NBAS: variants seen among roughly 807,000 people sequenced by gnomAD.
NBAS encodes the protein NAG/BC035112 fusion.
In NBAS, 219 loss-of-function variants were observed where a neutral mutation model predicts 302.5. That is an observed-to-expected ratio of 0.72 (90% CI 0.65 to 0.81). The LOEUF (loss-of-function observed/expected upper bound fraction) is 0.81, where lower values mean the gene tolerates loss of function less well. Ranked by LOEUF, NBAS falls within the 30% of genes least tolerant of loss-of-function variation. The pLI is 0.00. For missense variants in NBAS, 2,932 were observed against 2,841.6 expected (o/e 1.03, Z -0.72); for synonymous variants, 1,118 against 1,021.6 (o/e 1.09, Z -1.80).
At chr2:15,196,933 T>C (rs1393182933) in intron 48 of NBAS, among the ~76,000 whole-genome samples, 1 of 152,112 alleles carries the variant, frequency 6.6e-6, no homozygotes, top group Non-Finnish European at 1.5e-5. Context: ...TATTAAACCA[T>C]AAAATCACTT....
chr2:14,791,881 A>T, the NBAS span, among the ~76,000 whole-genome samples: 1 of 152,104 alleles, frequency 6.6e-6, no homozygotes, highest in Non-Finnish European at 1.5e-5. Flanking sequence ...GAAGTGAAAA[A>T]CAGGCCTAGT....
chr2:15,366,441 C>T (rs973705675), intron 32 of NBAS, 139 bp downstream of exon 32: 1 of 813,828 alleles, frequency 1.2e-6, no homozygotes, highest in African/African-American at 1.7e-5. Flanking sequence ...GCACTCCAGC[C>T]TGAGCAACAG....
intron 38 of NBAS, among the ~76,000 whole-genome samples, chr2:15,315,100 A>G (rs2148181261): frequency 6.6e-6 from 1 of 152,202 alleles, no homozygotes; most frequent in East Asian, 1.9e-4. Context: ...CAGGTGCTGC[A>G]CTTGTCACAA....
At chr2:15,090,414 G>C in the NBAS span, among the ~76,000 whole-genome samples, 92 of 152,314 alleles carry the variant, frequency 6.0e-4, no homozygotes, top group Middle Eastern at 3.4e-3. Flanking sequence ...TCATATTCTG[G>C]TATCTGTATA....
chr2:15,397,499 C>A, intron 26 of NBAS: 3 of 561,912 alleles, frequency 5.3e-6, no homozygotes, highest in Non-Finnish European at 3.3e-6. Context: ...TGGGGGTGTT[C>A]GGTCCTTGCA....
intron 47 of NBAS, among the ~76,000 whole-genome samples, chr2:15,222,526 T>C (rs1222959831): frequency 2.6e-5 from 4 of 152,220 alleles, no homozygotes; most frequent in Non-Finnish European, 4.4e-5. Context: ...TAATAATTTC[T>C]GAAGGTTTAC....
chr2:15,025,230 C>T, the NBAS span, among the ~76,000 whole-genome samples: 50,395 of 152,000 alleles, frequency 0.33, 9,870 homozygotes, highest in East Asian at 0.56. Context: ...GAATCCTTTC[C>T]CCATTGCTTG....
the NBAS span, among the ~76,000 whole-genome samples, chr2:15,007,750 T>C: frequency 6.6e-6 from 1 of 152,182 alleles, no homozygotes; most frequent in Non-Finnish European, 1.5e-5. Flanking sequence ...AGGATGATAG[T>C]AAAGGCTAAA....
At position 15,437,888 on chromosome 2, in the gene NBAS, T is replaced by C. The variant is rs1475449333; in HGVS notation, c.2340-10094A>G. 3.3e-5 allele frequency among the ~76,000 whole-genome samples: 5 copies of C among 152,280 alleles called. No homozygotes were observed. In the East Asian group the frequency reaches 9.6e-4, roughly 29 times the overall value. On this transcript the variant is annotated intron_variant, in intron 21 of 51. Transcript: ENST00000281513. Reference sequence around the variant, plus strand: ...CTGGTATTCAAAGAGAAAATGACCCTGAGAGGCAGAATGAGAACCAAGGGT... The same window carrying C: ...CTGGTATTCAAAGAGAAAATGACCCCGAGAGGCAGAATGAGAACCAAGGGT...
intron 38 of NBAS, among the ~76,000 whole-genome samples, chr2:15,313,155 T>G (rs1313579092): frequency 6.6e-6 from 1 of 152,260 alleles, no homozygotes; most frequent in Non-Finnish European, 1.5e-5. Context: ...CAACTTTAAT[T>G]TGTGGTTTTA....
chr2:15,012,922 A>G, the NBAS span, among the ~76,000 whole-genome samples: 84 of 152,184 alleles, frequency 5.5e-4, no homozygotes, highest in African/African-American at 2.0e-3. Flanking sequence ...CAGTGGTGCA[A>G]TCTCAGCTCA....
intron 48 of NBAS, among the ~76,000 whole-genome samples, chr2:15,214,136 G>C (rs967084757): frequency 2.0e-5 from 3 of 152,316 alleles, no homozygotes; most frequent in Admixed American, 1.3e-4. Flanking sequence ...AAGAACATCA[G>C]ACTGAAAGTC....
the NBAS span, among the ~76,000 whole-genome samples, chr2:14,795,854 C>T: frequency 9.9e-5 from 15 of 152,186 alleles, no homozygotes. Context: ...TTGCAAACAT[C>T]TCCTGGCGTG....
chr2:15,446,100 G>A (rs1251240361), intron 21 of NBAS, among the ~76,000 whole-genome samples: 1 of 151,788 alleles, frequency 6.6e-6, no homozygotes, highest in Non-Finnish European at 1.5e-5. Context: ...AAAAAAGTGT[G>A]TGTATTGGGA....
intron 31 of NBAS, among the ~76,000 whole-genome samples, chr2:15,373,177 A>G (rs1230819341): frequency 6.6e-6 from 1 of 152,214 alleles, no homozygotes; most frequent in African/African-American, 2.4e-5. Context: ...TTTGAGCTCA[A>G]AAGTCACATG....
At chr2:15,414,285 C>A (rs1662375238) in intron 25 of NBAS, among the ~76,000 whole-genome samples, 1 of 152,174 alleles carries the variant, frequency 6.6e-6, no homozygotes, top group Non-Finnish European at 1.5e-5. Context: ...ATGTATCTTA[C>A]CAGACACTAC....
the NBAS span, among the ~76,000 whole-genome samples, chr2:14,798,229 T>C: frequency 1.3e-5 from 2 of 152,214 alleles, no homozygotes; most frequent in Non-Finnish European, 2.9e-5. Context: ...TAAAGGCTTT[T>C]TGGAGGTGCC....
the NBAS span, among the ~76,000 whole-genome samples, chr2:14,881,390 T>C: frequency 6.6e-6 from 1 of 152,160 alleles, no homozygotes; most frequent in Admixed American, 6.5e-5. Context: ...AGGGAAGGGT[T>C]CAAAAATTAT....
chr2:15,224,846 T>C (rs1341439232), intron 47 of NBAS, among the ~76,000 whole-genome samples: 4 of 152,184 alleles, frequency 2.6e-5, no homozygotes, highest in African/African-American at 9.7e-5. Flanking sequence ...CTGACCCACA[T>C]ACTATGCACA....
Sources: gnomAD v4.1 joint callset for allele counts (sites outside exome capture counted in the v4.1 genomes callset) on GRCh38, gnomAD v4.1.1 for gene constraint, MANE v1.5 for transcripts, NCBI Gene and HGNC (gene_info 2026-07-23, HGNC 2026-07-21) for gene names.